The following COG7 variants were observed in gnomAD, a reference collection of about 807,000 sequenced individuals.
COG7 encodes conserved oligomeric Golgi complex subunit 7.
A neutral mutation model predicts 91.5 loss-of-function variants in COG7; 49 were observed. The ratio of observed to expected loss-of-function variants is 0.54; its 90% CI spans 0.43 to 0.68. The LOEUF is 0.68. Among genes scored for constraint, COG7 ranks in the 30% least tolerant of loss-of-function variants. COG7 has a pLI of 0.00. For synonymous variants in COG7, 365 were observed against 388.7 expected (o/e 0.94, Z 0.72); for missense variants, 895 against 961.3 (o/e 0.93, Z 0.91).
At chr16:23,430,976 C>A (rs977862973) in intron 6 of COG7, among the ~76,000 whole-genome samples, 1 of 151,462 alleles carries the variant, frequency 6.6e-6, no homozygotes, top group Non-Finnish European at 1.5e-5. Flanking sequence ...CCAGCCTGGG[C>A]AACATAGTGA....
chr16:23,392,017 G>A (rs1416235499), intron 16 of COG7: 9 of 1,198,068 alleles, frequency 7.5e-6, no homozygotes, highest in South Asian at 5.0e-5. Context: ...TTGGTCCAGC[G>A]CCAGGCATGC....
At chr16:23,392,727 C>T (rs1963220380) in intron 15 of COG7, among the ~76,000 whole-genome samples, 1 of 151,944 alleles carries the variant, frequency 6.6e-6, no homozygotes, top group Non-Finnish European at 1.5e-5. Flanking sequence ...GTCAGAAGTT[C>T]GAGACCAGCC....
At chr16:23,439,441 G>C (rs939397643) in intron 4 of COG7, among the ~76,000 whole-genome samples, 1 of 151,814 alleles carries the variant, frequency 6.6e-6, no homozygotes, top group African/African-American at 2.4e-5. Flanking sequence ...CTTCACAATA[G>C]CCAAAAGGTA....
At chr16:23,452,676 C>T in intron 1 of COG7, 150 bp downstream of exon 1, 3 of 1,445,060 alleles carry the variant, frequency 2.1e-6, no homozygotes, top group Non-Finnish European at 2.7e-6. Context: ...CTCCCGCTGA[C>T]GTGATCAGGA....
intron 11 of COG7, among the ~76,000 whole-genome samples, chr16:23,408,879 G>C (rs1963512479): frequency 6.6e-6 from 1 of 151,810 alleles, no homozygotes; most frequent in East Asian, 1.9e-4. Context: ...GATAAAAGAT[G>C]GGCCTCTCTG....
intron 6 of COG7, among the ~76,000 whole-genome samples, chr16:23,425,477 A>T (rs1230762566): frequency 6.6e-6 from 1 of 152,066 alleles, no homozygotes; most frequent in Non-Finnish European, 1.5e-5. Context: ...TACTACAGGA[A>T]CACTACCACA....
intron 10 of COG7, 41 bp downstream of exon 10, chr16:23,413,407 G>C: frequency 9.9e-7 from 1 of 1,006,928 alleles, no homozygotes; most frequent in Non-Finnish European, 1.6e-6. Context: ...GTTTATGCTG[G>C]CTACATTAGG....
chr16:23,420,822 T>C (rs1444913801), intron 7 of COG7, among the ~76,000 whole-genome samples: 4 of 152,084 alleles, frequency 2.6e-5, no homozygotes, highest in Non-Finnish European at 5.9e-5. Flanking sequence ...CAGGTCACCA[T>C]TGCCTTGGCC....
chr16:23,442,139 GCC>G (rs1183307000), intron 4 of COG7, among the ~76,000 whole-genome samples: 4 of 151,988 alleles, frequency 2.6e-5, no homozygotes, highest in Non-Finnish European at 5.9e-5. Context: ...TTTGAGACCA[GCC>G]CGGCCAACAT....
chr16:23,449,690 G>A lies in COG7; in HGVS notation c.169+3136C>T, dbSNP rs1293668069. Among the ~76,000 whole-genome samples the A allele has an allele frequency of 1.7e-4, 25 of 149,468 alleles. No homozygotes were observed. The East Asian group carries it at 4.1e-3, about 25-fold the overall frequency. The stretch of plus-strand genomic sequence containing the variant: ...CGAGAGGCGGAGGTTGCAGTGAGCC[G>A]CGATCACGCCATTGCACTCCATCGC... On this transcript the variant is annotated intron_variant, in intron 1 of 16. Transcript: ENST00000307149.
At chr16:23,441,706 C>T (rs1964104011) in intron 4 of COG7, 1 of 151,818 alleles carries the variant, frequency 6.6e-6, no homozygotes, top group Admixed American at 6.6e-5. Context: ...ATGATCTGGC[C>T]CTTTACAGGA....
At chr16:23,389,659 C>T (rs573060084) in intron 16 of COG7, among the ~76,000 whole-genome samples, 59 of 152,298 alleles carry the variant, frequency 3.9e-4, no homozygotes, top group African/African-American at 1.3e-3. Context: ...AGTCAGAACG[C>T]CGCAGTGAAG....
intron 4 of COG7, among the ~76,000 whole-genome samples, chr16:23,437,616 T>C (rs957703874): frequency 7.2e-5 from 11 of 152,310 alleles, no homozygotes; most frequent in African/African-American, 2.6e-4. Context: ...AAACTTTCAA[T>C]CAAGGGCTAA....
chr16:23,432,188 T>C (rs1963945798), intron 6 of COG7, among the ~76,000 whole-genome samples: 1 of 151,996 alleles, frequency 6.6e-6, no homozygotes, highest in Non-Finnish European at 1.5e-5. Flanking sequence ...ATGAATTAGG[T>C]TAGTTCAAGG....
intron 15 of COG7, 74 bp from the exon 16 acceptor site, chr16:23,392,597 G>A (rs1272962624): frequency 1.3e-6 from 2 of 1,577,846 alleles, no homozygotes; most frequent in Admixed American, 3.3e-5. Flanking sequence ...GTACCAGGAA[G>A]CTTCTGATCT....
rs1407103366 is a variant in COG7 at position 23,392,384 on chromosome 16, G to A, written c.2142C>T (p.Asp714=). The part of the protein sequence containing the change: ...SPHSAKQLAT[D]IDYLINVMDA... The stretch of plus-strand genomic sequence containing the variant: ...GCCTGTCTTGTGGGGACCCACCGAT[G>A]TCAGTGGCCAGCTGCTTGGCAGAGT... Residue 714 remains aspartate (D), a synonymous_variant, in exon 16 of 17, where the codon GAC becomes GAT. Coordinates refer to ENST00000307149, the MANE Select transcript of COG7 (RefSeq NM_153603.4). 1.2e-6 allele frequency: 2 copies of A among 1,614,108 alleles called. No homozygotes were observed. Among genetic ancestry groups the A allele is most frequent in the Non-Finnish European group, 1.7e-6 (2 of 1,180,050 alleles).
In COG7 at chr16:23,424,807, G is replaced by T. The variant is rs199739443; in HGVS notation, c.951C>A (p.Phe317Leu). 30 of 1,614,220 alleles carry T rather than the reference G, an allele frequency of 1.9e-5. No homozygotes were observed. In the East Asian group the frequency reaches 6.7e-4, roughly 36 times the overall value. Residue 317 changes from phenylalanine (F) to leucine (L), a missense_variant, in exon 7 of 17, where the codon TTC becomes TTA. Physicochemically the swap from Phe to Leu is conservative, Grantham distance 22 (BLOSUM62 0). Transcript: ENST00000307149. Reference protein sequence around the residue: ...PEQELTRLLEFYDATAHFAKG... With the variant: ...PEQELTRLLELYDATAHFAKG... ...TGGCGAAGTGGGCGGTGGCGTCGTA[G>T]AACTCCAGCAGCCTGGTGAGCTCCT...
chr16:23,408,820 T>C (rs1183102650), intron 11 of COG7, among the ~76,000 whole-genome samples: 1 of 151,922 alleles, frequency 6.6e-6, no homozygotes, highest in Non-Finnish European at 1.5e-5. Flanking sequence ...AGTATTACAT[T>C]CTGAAGGGTA....
intron 5 of COG7, among the ~76,000 whole-genome samples, 169 bp downstream of exon 5, chr16:23,434,467 A>T (rs1032658066): frequency 2.0e-5 from 3 of 152,228 alleles, no homozygotes; most frequent in African/African-American, 7.2e-5. Flanking sequence ...CAATTAAACA[A>T]ATCCATATGC....
Sources: allele counts gnomAD v4.1 joint callset (sites outside exome capture counted in the v4.1 genomes callset), GRCh38; gene constraint gnomAD v4.1.1; transcripts MANE v1.5; gene names NCBI Gene and HGNC (gene_info 2026-07-23, HGNC 2026-07-21).